The following TIMP2 variants were observed in gnomAD, a reference collection of about 807,000 sequenced individuals.
The protein encoded by TIMP2 is metalloproteinase inhibitor 2.
Under a neutral mutation model 24.3 loss-of-function variants are expected in TIMP2, and 5 were observed. That is an observed-to-expected ratio of 0.21 (90% confidence interval 0.11 to 0.43). The LOEUF (loss-of-function observed/expected upper bound fraction) is 0.43, where lower values mean the gene tolerates loss of function less well. Among genes scored for constraint, TIMP2 ranks in the 20% least tolerant of loss-of-function variants. The pLI is 1.00. For missense variants in TIMP2, 221 were observed against 297.5 expected (o/e 0.74, Z 1.89); for synonymous variants, 130 against 123.2 (o/e 1.06, Z -0.37).
intron 4 of TIMP2, chr17:78,856,239 G>A (rs999041757): frequency 3.8e-5 from 9 of 235,282 alleles, no homozygotes; most frequent in East Asian, 1.7e-4. Flanking sequence ...CTCGCAAGCC[G>A]AGCCCCGAGG....
Position 78,891,894 on chromosome 17 carries a change from G to A in TIMP2, c.131-17975C>T. 6.4e-7 allele frequency: 1 copy of A among 1,550,620 alleles called. No individual in the cohort carries two copies. The stretch of plus-strand genomic sequence containing the variant: ...CGACCCGTGGCTTTTGTAGTCTGTG[G>A]TTTCTCTGGACTCGCTGCTGTCTTC... On this transcript the variant is annotated intron_variant, in intron 1 of 4. Coordinates refer to ENST00000262768, the MANE Select transcript of TIMP2 (RefSeq NM_003255.5). This position sits in a 1 kb window ranked among gnomAD's most constrained non-coding sequence, Gnocchi z 4.5.
chr17:78,914,064 T>C (rs931973495), intron 1 of TIMP2, among the ~76,000 whole-genome samples: 6 of 151,996 alleles, frequency 3.9e-5, no homozygotes, highest in Non-Finnish European at 5.9e-5. Context: ...TTCTTTATGA[T>C]GGAGAGAGGC....
rs1344433839 is a variant in TIMP2, at chr17:78,855,792, C to T, written c.538G>A (p.Glu180Lys). 1.9e-6 allele frequency: 3 copies of T among 1,614,190 alleles called. No homozygotes were observed. Among genetic ancestry groups the T allele is most frequent in the Non-Finnish European group, 2.5e-6 (3 of 1,180,028 alleles). ...DECLWMDWVT[E>K]KNINGHQAKF... ...GCCTGGTGCCCGTTGATGTTCTTCT[C>T]TGTGACCCAGTCCATCCAGAGGCAC... Residue 180 changes from glutamate to lysine, a missense_variant, in exon 5 of 5, where the codon GAG (glutamate) becomes AAG (lysine). Physicochemically the swap from Glu to Lys is moderately conservative, Grantham distance 56. Transcript: ENST00000262768. This position sits in a 1 kb window ranked among gnomAD's most constrained non-coding sequence, Gnocchi z 6.0.
At chr17:78,862,777 T>C (rs114372764) in intron 3 of TIMP2, among the ~76,000 whole-genome samples, 2,546 of 152,356 alleles carry the variant, frequency 0.017, 74 homozygotes, top group African/African-American at 0.058. Flanking sequence ...GTGTACCCAA[T>C]GTTTAGCTCC....
Position 78,854,921 on chromosome 17 carries a change from C to CGGGGGGGGGG in TIMP2, c.*736_*745dup, listed in dbSNP as rs71161632. ...TCCTGCAAGCTGGGGAGCATGTGGGCGGGGGGGGGGGGGTGGGGGGGTGGG... is the reference window on the plus strand; with the variant it reads ...TCCTGCAAGCTGGGGAGCATGTGGGCGGGGGGGGGGGGGGGGGGGGGGGTGGGGGGGTGGG... On this transcript the variant is annotated 3_prime_UTR_variant, in exon 5 of 5. Transcript: ENST00000262768. 1.0e-4 allele frequency: 4 copies of CGGGGGGGGGG among 39,084 alleles called. No individual in the cohort carries two copies. Among genetic ancestry groups the CGGGGGGGGGG allele is most frequent in the Non-Finnish European group, 1.6e-4 (3 of 19,168 alleles). 2.4% of individuals were successfully genotyped at this position (39,084 alleles called of 1,614,324 possible).
At chr17:78,907,066 CTCTG>C (rs1310529450) in intron 1 of TIMP2, among the ~76,000 whole-genome samples, 1 of 152,070 alleles carries the variant, frequency 6.6e-6, no homozygotes, top group Non-Finnish European at 1.5e-5. Flanking sequence ...AGACGTCTCG[CTCTG>C]TCTGTCAAGC....
chr17:78,909,776 C>T (rs1324013851), intron 1 of TIMP2, among the ~76,000 whole-genome samples: 1 of 152,170 alleles, frequency 6.6e-6, no homozygotes, highest in Non-Finnish European at 1.5e-5. Flanking sequence ...GCACTCCTGG[C>T]TTTCTCCCTT....
Position 78,855,958 on chromosome 17 carries a change from G to T in TIMP2, c.466-94C>A. The T allele has an allele frequency of 7.7e-7, 1 of 1,293,604 alleles. No homozygotes were observed. Among genetic ancestry groups the T allele is most frequent in the Non-Finnish European group, 1.1e-6 (1 of 904,306 alleles). The allele number at this position is 1,293,604 out of a possible 1,614,324, so 80.1% of individuals were successfully genotyped here. ...GGGCATGTCCAGAACCCGGCAATGT[G>T]CCTACCTGTCATGTGCAGGGATGGC... On this transcript the variant is annotated intron_variant, in intron 4 of 4. Transcript: ENST00000262768. This position sits in a 1 kb window ranked among gnomAD's most constrained non-coding sequence, Gnocchi z 6.0.
At chr17:78,893,478 T>C (rs1568001293) in intron 1 of TIMP2, among the ~76,000 whole-genome samples, 2 of 149,952 alleles carry the variant, frequency 1.3e-5, no homozygotes, top group African/African-American at 2.5e-5. Flanking sequence ...TGCATAGCGG[T>C]GTGTGTGCAG....
rs1034914766 is a variant in TIMP2, at chr17:78,920,383, G to C, written c.130+4576C>G. ...AGAAGGGTGCAAATAGGGGAGGCCC[G>C]AGAGGCTCTGAGGCTGGCACTGTCC... On this transcript the variant is annotated intron_variant, in intron 1 of 4. Transcript: ENST00000262768. The surrounding 1 kb of genome is among the most constrained non-coding windows in gnomAD (Gnocchi z 4.5). Among the ~76,000 whole-genome samples the C allele has an allele frequency of 6.6e-6, 1 of 152,172 alleles. No homozygotes were observed. The highest frequency in any genetic ancestry group is 2.4e-5 in the African/African-American group (1 of 41,428).
chr17:78,891,732 C>T lies in TIMP2; in HGVS notation c.131-17813G>A, dbSNP rs1391523469. The T allele has an allele frequency of 5.8e-6, 9 of 1,551,242 alleles. No homozygotes were observed. In the East Asian group the frequency reaches 1.7e-4, roughly 29 times the overall value. ...ACAAGCCCGATTTCTCCCACAGCAG[C>T]CACGAGTGGGTTTGACCTTTCTAGG... is the stretch of plus-strand genomic sequence containing the variant. On this transcript the variant is annotated intron_variant, in intron 1 of 4. Transcript: ENST00000262768. This position sits in a 1 kb window ranked among gnomAD's most constrained non-coding sequence, Gnocchi z 4.5.
At chr17:78,860,961 GGGA>G (rs2145746346) in intron 3 of TIMP2, among the ~76,000 whole-genome samples, 1 of 151,750 alleles carries the variant, frequency 6.6e-6, no homozygotes, top group South Asian at 2.1e-4. Flanking sequence ...GCTTGAACCC[GGGA>G]GGTGGAAGTT....
intron 3 of TIMP2, 103 bp from the exon 4 acceptor site, chr17:78,857,749 T>G: frequency 2.8e-6 from 4 of 1,450,684 alleles, no homozygotes; most frequent in Non-Finnish European, 3.8e-6. Context: ...GTTGCAACAA[T>G]CCTGTGCACT....
At chr17:78,867,850 C>T (rs547903302) in intron 3 of TIMP2, among the ~76,000 whole-genome samples, 4 of 152,200 alleles carry the variant, frequency 2.6e-5, no homozygotes, top group East Asian at 3.9e-4. Context: ...CTGCCCGTCT[C>T]GGCCTCCCAA....
chr17:78,861,288 C>A (rs772830309), intron 3 of TIMP2, among the ~76,000 whole-genome samples: 7 of 152,192 alleles, frequency 4.6e-5, no homozygotes, highest in Non-Finnish European at 8.8e-5. Context: ...TGGTGATTTC[C>A]ACTGTATGTA....
At chr17:78,918,263 C>T (rs1047807166) in intron 1 of TIMP2, among the ~76,000 whole-genome samples, 9 of 152,182 alleles carry the variant, frequency 5.9e-5, no homozygotes, top group Admixed American at 3.9e-4. Context: ...GCTGGGGCTC[C>T]GGAAGCTTTC....
chr17:78,894,274 C>A (rs968853114), intron 1 of TIMP2, among the ~76,000 whole-genome samples: 1 of 151,944 alleles, frequency 6.6e-6, no homozygotes. Flanking sequence ...TGGTAAGTGG[C>A]AGAGACAGGC....
chr17:78,861,793 C>T (rs751456054), intron 3 of TIMP2, among the ~76,000 whole-genome samples: 12 of 151,988 alleles, frequency 7.9e-5, no homozygotes, highest in Non-Finnish European at 1.5e-4. Flanking sequence ...AGTAGAGACA[C>T]GGTTTCACCA....
intron 1 of TIMP2, chr17:78,890,780 G>A (rs553520865): frequency 5.6e-5 from 87 of 1,550,614 alleles, no homozygotes; most frequent in East Asian, 3.4e-4. Context: ...GCTGGTGCCC[G>A]ATGGGGAAGT....
Sources: gnomAD v4.1 joint callset for allele counts (sites outside exome capture counted in the v4.1 genomes callset) on GRCh38, gnomAD v4.1.1 for gene constraint, Gnocchi (gnomAD v3.1) non-coding constraint, MANE v1.5 for transcripts, NCBI Gene and HGNC (gene_info 2026-07-23, HGNC 2026-07-21) for gene names.